The following ANO3 variants were observed in gnomAD, a reference collection of about 807,000 sequenced individuals.
The protein encoded by ANO3 is anoctamin-3.
In ANO3, 99 loss-of-function variants were observed where a neutral mutation model predicts 144.8. The observed-to-expected ratio is 0.68, with a 90% CI of 0.58 to 0.81. The LOEUF (loss-of-function observed/expected upper bound fraction) is 0.81, where lower values mean the gene tolerates loss of function less well. ANO3 is among the 30% of genes least tolerant of loss of function. The pLI is 0.00. For synonymous variants in ANO3, 414 were observed against 392.6 expected (o/e 1.05, Z -0.64); for missense variants, 905 against 1,202.2 (o/e 0.75, Z 3.66).
At chr11:26,251,492 A>G (rs1413268260) in intron 1 of ANO3, among the ~76,000 whole-genome samples, 4 of 152,246 alleles carry the variant, frequency 2.6e-5, no homozygotes, top group Non-Finnish European at 5.9e-5. Context: ...GCAAACATTA[A>G]GCAAATGAAT....
chr11:26,647,706 C>T lies in ANO3; in HGVS notation c.2429-3C>T. On this transcript the variant is annotated splice_region_variant and splice_polypyrimidine_tract_variant and intron_variant, in intron 23 of 26. Transcript: ENST00000256737. ...TCACCATGATTAATCTTTCTCTTAC[C>T]AGGTATCTGGCTTGGAATTCTCGAA... 1 of 1,594,674 alleles carries T rather than the reference C, an allele frequency of 6.3e-7. No homozygotes were observed. Among genetic ancestry groups the T allele is most frequent in the African/African-American group, 1.3e-5 (1 of 74,580 alleles).
intron 9 of ANO3, among the ~76,000 whole-genome samples, chr11:26,536,692 C>A (rs1849518077): frequency 6.6e-6 from 1 of 151,986 alleles, no homozygotes; most frequent in Non-Finnish European, 1.5e-5. Flanking sequence ...AATAGCTGTA[C>A]AATATTCCAT....
chr11:26,574,195 A>G lies in ANO3; in HGVS notation c.1447+14416A>G, dbSNP rs533650557. 8.5e-5 allele frequency among the ~76,000 whole-genome samples: 13 copies of G among 152,194 alleles called. No homozygotes were observed. The South Asian group carries it at 2.5e-3, about 29-fold the overall frequency. ...TTACACTCATTAATTACGTTTCACA[A>G]TACATACTGGGAGGAAGAAAAACCT... On this transcript the variant is annotated intron_variant, in intron 14 of 26. Transcript: ENST00000256737.
At chr11:26,226,517 T>A (rs1852260236) in intron 1 of ANO3, among the ~76,000 whole-genome samples, 1 of 152,118 alleles carries the variant, frequency 6.6e-6, no homozygotes, top group Non-Finnish European at 1.5e-5. Context: ...ATATTTCCTT[T>A]TAGTTTATCC....
chr11:26,434,155 G>T (rs1477724250), intron 1 of ANO3, among the ~76,000 whole-genome samples: 3 of 152,104 alleles, frequency 2.0e-5, no homozygotes, highest in Non-Finnish European at 4.4e-5. Flanking sequence ...TCTTGGGAGG[G>T]TGTATGTGTC....
chr11:26,648,120 T>C (rs950239385), intron 24 of ANO3, among the ~76,000 whole-genome samples: 3 of 152,124 alleles, frequency 2.0e-5, no homozygotes, highest in Non-Finnish European at 2.9e-5. Context: ...AGTTACATTC[T>C]GTAAATAGAA....
intron 6 of ANO3, among the ~76,000 whole-genome samples, chr11:26,520,268 GT>G (rs1417040974): frequency 1.3e-5 from 2 of 152,068 alleles, no homozygotes; most frequent in East Asian, 1.9e-4. Context: ...TGAAGAGGAT[GT>G]TTTCTTGACT....
intron 17 of ANO3, among the ~76,000 whole-genome samples, chr11:26,616,266 C>T (rs1852258460): frequency 6.6e-6 from 1 of 152,108 alleles, no homozygotes; most frequent in Non-Finnish European, 1.5e-5. Flanking sequence ...TACTATAAAC[C>T]TAATTGTACC....
intron 3 of ANO3, among the ~76,000 whole-genome samples, chr11:26,460,667 C>A (rs1433337215): frequency 6.6e-6 from 1 of 151,256 alleles, no homozygotes; most frequent in Non-Finnish European, 1.5e-5. Context: ...CTGTGTATTT[C>A]TTTTCCAGAA....
intron 1 of ANO3, among the ~76,000 whole-genome samples, chr11:26,418,279 C>A (rs560378681): frequency 7.2e-5 from 11 of 152,216 alleles, no homozygotes; most frequent in South Asian, 2.1e-4. Context: ...ACATTCTACA[C>A]ATCAACAAAA....
In ANO3 at chr11:26,497,608, C is replaced by A. The variant is rs544255644; in HGVS notation, c.433-10496C>A. On this transcript the variant is annotated intron_variant, in intron 4 of 26. Coordinates refer to ENST00000256737, the MANE Select transcript of ANO3 (RefSeq NM_031418.4). ...TATCTTAGGAATATTTTCACTGGGT[C>A]TGTGAGGTTACTCATATTTTACAGG... Among the ~76,000 whole-genome samples, 16 of 152,140 alleles carry A rather than the reference C, an allele frequency of 1.1e-4. No homozygotes were observed. In the South Asian group the frequency reaches 2.9e-3, roughly 28 times the overall value.
chr11:26,624,442 T>A lies in ANO3; in HGVS notation c.1837-20T>A. 1 of 1,573,896 alleles carries A rather than the reference T, an allele frequency of 6.4e-7. No individual in the cohort carries two copies. On this transcript the variant is annotated intron_variant, in intron 17 of 26. Transcript: ENST00000256737. The stretch of plus-strand genomic sequence containing the variant: ...CAAAAGAGAGGAATAATGTTCACTA[T>A]GTATTCTCTTTTATTACAGGCTTAT...
intron 6 of ANO3, 137 bp downstream of exon 6, chr11:26,517,064 G>GTT: frequency 4.4e-6 from 2 of 450,334 alleles, no homozygotes; most frequent in Non-Finnish European, 3.9e-6. Flanking sequence ...ATTCTGGACA[G>GTT]TTTTTTTTTC....
intron 14 of ANO3, among the ~76,000 whole-genome samples, chr11:26,569,322 A>G (rs982639018): frequency 1.3e-5 from 2 of 152,156 alleles, no homozygotes; most frequent in Non-Finnish European, 2.9e-5. Flanking sequence ...GTAGTTCAGT[A>G]TGTTGTGAAT....
chr11:26,462,741 T>C (rs1000947957), intron 3 of ANO3, among the ~76,000 whole-genome samples: 1 of 151,884 alleles, frequency 6.6e-6, no homozygotes, highest in Non-Finnish European at 1.5e-5. Flanking sequence ...TCCAATTTTA[T>C]TTTCAAAAAT....
rs148425014 is a variant in ANO3 at position 26,376,856 on chromosome 11, A to C, written c.46+44535A>C. The stretch of plus-strand genomic sequence containing the variant: ...TGGGGAACTGGTATTATTTAATTAA[A>C]TTGGGGTAACTGAAATTTGTCCTTA... On this transcript the variant is annotated intron_variant, in intron 1 of 26. Coordinates refer to ENST00000256737, the MANE Select transcript of ANO3 (RefSeq NM_031418.4). Among the ~76,000 whole-genome samples, 181 of 152,288 alleles carry C rather than the reference A, an allele frequency of 1.2e-3. 1 individual carries two copies. Among genetic ancestry groups the C allele is most frequent in the African/African-American group, 4.0e-3 (165 of 41,570 alleles).
Position 26,396,076 on chromosome 11 carries a change from G to T in ANO3, c.47-45842G>T, listed in dbSNP as rs1196490291. On this transcript the variant is annotated intron_variant, in intron 1 of 26. Coordinates refer to ENST00000256737, the MANE Select transcript of ANO3 (RefSeq NM_031418.4). Reference sequence around the variant, plus strand: ...CAGGGCTAATATCCAGAACTACAAAGAACTTAAACAAATTTACAAGAAAAA... The same window carrying T: ...CAGGGCTAATATCCAGAACTACAAATAACTTAAACAAATTTACAAGAAAAA... Among the ~76,000 whole-genome samples the T allele has an allele frequency of 6.6e-5, 10 of 152,084 alleles. No homozygotes were observed. The South Asian group carries it at 1.7e-3, about 25-fold the overall frequency.
upstream of ANO3, chr11:26,332,102 GACA>G: frequency 6.8e-7 from 1 of 1,480,882 alleles, no homozygotes. Flanking sequence ...GCGTTCCCAT[GACA>G]ACGACACCGG....
chr11:26,190,181 C>T (rs894200011), intron 1 of ANO3, among the ~76,000 whole-genome samples: 7 of 152,128 alleles, frequency 4.6e-5, no homozygotes, highest in African/African-American at 1.7e-4. Context: ...TTGTTGGACA[C>T]TGATCTTTGT....
Sources: allele counts gnomAD v4.1 joint callset (sites outside exome capture counted in the v4.1 genomes callset), GRCh38; gene constraint gnomAD v4.1.1; transcripts MANE v1.5; gene names NCBI Gene and HGNC (gene_info 2026-07-23, HGNC 2026-07-21).